TBX15: variants seen among roughly 807,000 people sequenced by gnomAD.
The protein encoded by TBX15 is T-box transcription factor 15.
TBX15 carries 18 observed loss-of-function variants against 53.9 expected under a neutral mutation model. That is an observed-to-expected ratio of 0.33 (90% CI 0.23 to 0.49). The LOEUF (loss-of-function observed/expected upper bound fraction) is 0.49. Among genes scored for constraint, TBX15 ranks in the 20% least tolerant of loss-of-function variants. The pLI is 0.98. For missense variants in TBX15, 692 were observed against 749.5 expected (o/e 0.92, Z 0.90); for synonymous variants, 295 against 278.0 (o/e 1.06, Z -0.61).
chr1:118,956,423 C>T (rs12123832), intron 1 of TBX15, among the ~76,000 whole-genome samples: 2 of 151,950 alleles, frequency 1.3e-5, no homozygotes, highest in African/African-American at 4.8e-5. Context: ...AATGTTTATA[C>T]AAAAACACAC....
At chr1:118,900,706 A>T (rs17022715) in intron 6 of TBX15, among the ~76,000 whole-genome samples, 6,850 of 152,282 alleles carry the variant, frequency 0.045, 520 homozygotes, top group African/African-American at 0.16. Context: ...AATACAGTAC[A>T]TGAAACTATT....
chr1:118,885,793 A>C lies in TBX15; in HGVS notation c.1025-277T>G, dbSNP rs559800878. Reference sequence around the variant, plus strand: ...TGTTTGTTTTCTCTGTAAGAGCCTTAGTAAGTCCTTTGTATAAAAATAACA... The same window carrying C: ...TGTTTGTTTTCTCTGTAAGAGCCTTCGTAAGTCCTTTGTATAAAAATAACA... On this transcript the variant is annotated intron_variant, in intron 7 of 7. Transcript: ENST00000369429. 6.6e-5 allele frequency among the ~76,000 whole-genome samples: 10 copies of C among 152,320 alleles called. 1 individual carries two copies. In the South Asian group the frequency reaches 2.1e-3, roughly 32 times the overall value.
At chr1:118,953,613 A>G (rs971915431) in intron 1 of TBX15, among the ~76,000 whole-genome samples, 1 of 152,238 alleles carries the variant, frequency 6.6e-6, no homozygotes, top group African/African-American at 2.4e-5. Context: ...TGCCTATAAT[A>G]TGTTTGATGT....
intron 1 of TBX15, among the ~76,000 whole-genome samples, chr1:118,957,554 T>C (rs1000424211): frequency 2.0e-5 from 3 of 152,210 alleles, no homozygotes; most frequent in Admixed American, 6.5e-5. Context: ...ATGTGCCATG[T>C]TGGTGTGCTG....
chr1:118,937,987 G>A (rs1405485460), intron 1 of TBX15, among the ~76,000 whole-genome samples: 5 of 152,160 alleles, frequency 3.3e-5, no homozygotes, highest in Admixed American at 6.5e-5. Flanking sequence ...CTCTGCAGTG[G>A]AAATTGGTTG....
At chr1:118,965,091 C>T (rs367627997) in intron 1 of TBX15, among the ~76,000 whole-genome samples, 1 of 152,188 alleles carries the variant, frequency 6.6e-6, no homozygotes, top group Non-Finnish European at 1.5e-5. Context: ...TTATTCTCTC[C>T]CTCACTAACA....
intron 1 of TBX15, 93 bp from the exon 2 acceptor site, chr1:118,931,925 G>C (rs547816142): frequency 2.4e-6 from 3 of 1,239,318 alleles, no homozygotes; most frequent in East Asian, 2.5e-5. Context: ...GCAATGAAGT[G>C]GGGAGAGGGG....
intron 5 of TBX15, among the ~76,000 whole-genome samples, chr1:118,920,039 A>G (rs939897431): frequency 1.3e-5 from 2 of 152,182 alleles, no homozygotes; most frequent in African/African-American, 4.8e-5. Context: ...AAAATCATCA[A>G]TTTGTAAATG....
chr1:118,933,006 A>G (rs749547009), intron 1 of TBX15, among the ~76,000 whole-genome samples: 50 of 152,146 alleles, frequency 3.3e-4, no homozygotes, highest in Non-Finnish European at 6.5e-4. Flanking sequence ...TGACTTTTCA[A>G]TGGTGTCAAG....
chr1:118,900,920 C>T (rs748354407), intron 6 of TBX15, among the ~76,000 whole-genome samples: 4 of 152,098 alleles, frequency 2.6e-5, no homozygotes, highest in Non-Finnish European at 4.4e-5. Flanking sequence ...ATGGCAGAGT[C>T]TTTATTGTTC....
chr1:118,945,572 G>A lies in TBX15; in HGVS notation c.206-13740C>T, dbSNP rs76531777. 8.6e-4 allele frequency among the ~76,000 whole-genome samples: 131 copies of A among 152,272 alleles called. 1 individual carries two copies. Among genetic ancestry groups the A allele is most frequent in the East Asian group, 7.3e-3 (38 of 5,190 alleles). On this transcript the variant is annotated intron_variant, in intron 1 of 7. Transcript: ENST00000369429. ...AACCAGAGCTCCATGGAGACACCCT[G>A]TCATTTAAAAGGCATCAACGTTTGG...
intron 7 of TBX15, chr1:118,890,760 T>C (rs1377724943): frequency 3.5e-6 from 2 of 571,820 alleles, no homozygotes; most frequent in Non-Finnish European, 5.3e-6. Flanking sequence ...ATACAGTTTC[T>C]TTTTCAATTT....
In TBX15 at chr1:118,885,249, G is replaced by T; in HGVS notation, c.1292C>A (p.Ala431Asp). The T allele has an allele frequency of 6.2e-7, 1 of 1,614,142 alleles. No individual in the cohort carries two copies. Among genetic ancestry groups the T allele is most frequent in the Non-Finnish European group, 8.5e-7 (1 of 1,180,044 alleles). ...YNRLQSGTTS[A>D]TQPSETFMPQ... is the part of the protein sequence containing the mutation. ...CATGAAGGTTTCAGAGGGCTGAGTG[G>T]CTGAAGTGGTGCCACTCTGAAGCCT... is the stretch of plus-strand genomic sequence containing the variant. The change falls in exon 8 of 8, where the codon GCC becomes GAC. Residue 431 changes from alanine to aspartate, a missense_variant. This residue lies in a region of TBX15 where 375 missense variants were observed against 371.6 expected (regional missense o/e 1.01). Coordinates refer to ENST00000369429, the MANE Select transcript of TBX15 (RefSeq NM_001330677.2).
chr1:118,924,784 A>C lies in TBX15; in HGVS notation c.555T>G (p.Ala185=). ...YVYHSSKWMV[A]GNADSPVPPR... The stretch of plus-strand genomic sequence containing the variant: ...GGGGCACAGGGGAATCAGCATTGCC[A>C]GCCACCATCCACTTGGAGCTATGAT... The change falls in exon 4 of 8, where the codon GCT becomes GCG. Residue 185 remains alanine, a synonymous_variant. Coordinates refer to ENST00000369429, the MANE Select transcript of TBX15 (RefSeq NM_001330677.2). 1 of 1,614,110 alleles carries C rather than the reference A, an allele frequency of 6.2e-7. No individual in the cohort carries two copies. Among genetic ancestry groups the C allele is most frequent in the Non-Finnish European group, 8.5e-7 (1 of 1,180,000 alleles).
chr1:118,974,328 C>T (rs906242731), intron 1 of TBX15, among the ~76,000 whole-genome samples: 1 of 152,186 alleles, frequency 6.6e-6, no homozygotes, highest in Non-Finnish European at 1.5e-5. Flanking sequence ...ATGGATTTTA[C>T]ATCTTTCTCT....
Position 118,893,347 on chromosome 1 carries a change from AGG to A in TBX15, c.1024+5679_1024+5680del, listed in dbSNP as rs1386782309. Reference sequence around the variant, plus strand: ...GAAAGAAGAAAGAAGGAAGGAAGGAAGGAAGGAAGGAAAGAAAGAAAGAAAGA... The same window carrying A: ...GAAAGAAGAAAGAAGGAAGGAAGGAAAAGGAAGGAAAGAAAGAAAGAAAGA... On this transcript the variant is annotated intron_variant, in intron 7 of 7. Coordinates refer to ENST00000369429, the MANE Select transcript of TBX15 (RefSeq NM_001330677.2). Among the ~76,000 whole-genome samples the A allele has an allele frequency of 3.1e-4, 27 of 85,820 alleles. 1 individual carries two copies. The highest frequency in any genetic ancestry group is 1.7e-3 in the African/African-American group (26 of 15,038). 56.3% of individuals were successfully genotyped at this position (85,820 alleles called of 152,430 possible).
chr1:118,968,709 G>T (rs190494272), intron 1 of TBX15, among the ~76,000 whole-genome samples: 13 of 152,294 alleles, frequency 8.5e-5, no homozygotes, highest in Admixed American at 6.5e-4. Flanking sequence ...GGTTTGTTCT[G>T]ATTTGGGCTT....
intron 5 of TBX15, among the ~76,000 whole-genome samples, chr1:118,915,150 T>G (rs564599089): frequency 1.3e-5 from 2 of 152,274 alleles, no homozygotes; most frequent in Non-Finnish European, 2.9e-5. Context: ...ACTCACTACA[T>G]GCAAGCAATG....
intron 7 of TBX15, among the ~76,000 whole-genome samples, chr1:118,894,802 T>G (rs1021733767): frequency 6.6e-6 from 1 of 152,158 alleles, no homozygotes; most frequent in East Asian, 1.9e-4. Context: ...AAACAAAATA[T>G]GTAATCAATT....
Sources: gnomAD v4.1 joint callset for allele counts (sites outside exome capture counted in the v4.1 genomes callset) on GRCh38, gnomAD v4.1.1 for gene constraint, gnomAD v4.1.1 regional missense constraint, MANE v1.5 for transcripts, NCBI Gene and HGNC (gene_info 2026-07-23, HGNC 2026-07-21) for gene names.